The following FOXP2 variants were observed in gnomAD, a reference collection of about 807,000 sequenced individuals.
The protein encoded by FOXP2 is forkhead box protein P2.
In FOXP2, 12 loss-of-function variants were observed where a neutral mutation model predicts 115.8. That is an observed-to-expected ratio of 0.10 (90% CI 0.07 to 0.17). The LOEUF is 0.17. FOXP2 is among the 10% of genes least tolerant of loss of function. The pLI, the probability that FOXP2 is intolerant of heterozygous loss-of-function variation, is 1.00. For synonymous variants in FOXP2, 328 were observed against 297.7 expected (o/e 1.10, Z -1.05); for missense variants, 629 against 843.5 (o/e 0.75, Z 3.15).
At chr7:114,152,297 A>T (rs1365021553) in intron 1 of FOXP2, among the ~76,000 whole-genome samples, 1 of 152,126 alleles carries the variant, frequency 6.6e-6, no homozygotes, top group Non-Finnish European at 1.5e-5. Context: ...CTGATAGGTA[A>T]AATAGTCTAT....
chr7:114,608,688 C>T (rs1455740367), intron 3 of FOXP2, among the ~76,000 whole-genome samples: 1 of 152,126 alleles, frequency 6.6e-6, no homozygotes, highest in African/African-American at 2.4e-5. Flanking sequence ...CTGAGTGAGC[C>T]ACTCACCACT....
chr7:114,281,123 A>G (rs1796326705), intron 1 of FOXP2, among the ~76,000 whole-genome samples: 1 of 109,268 alleles, frequency 9.2e-6, no homozygotes, highest in Non-Finnish European at 1.8e-5. Flanking sequence ...TTTTTTTGAG[A>G]CAGAGTCTCA....
chr7:114,091,182 C>T (rs1015888425), intron 1 of FOXP2, among the ~76,000 whole-genome samples: 1 of 151,458 alleles, frequency 6.6e-6, no homozygotes, highest in Non-Finnish European at 1.5e-5. Flanking sequence ...CCATTCCTGC[C>T]CTAAATTTCC....
At chr7:114,544,547 T>C (rs1799826628) in intron 3 of FOXP2, among the ~76,000 whole-genome samples, 2 of 152,234 alleles carry the variant, frequency 1.3e-5, no homozygotes, top group African/African-American at 4.8e-5. Context: ...AACACTTGCA[T>C]TGCTGTAAAA....
rs144792195 is a variant in FOXP2 at position 114,127,004 on chromosome 7, T to A, written c.-246-35940T>A. 4.7e-3 allele frequency among the ~76,000 whole-genome samples: 719 copies of A among 152,284 alleles called. 6 individuals carry two copies. The highest frequency in any genetic ancestry group is 0.016 in the African/African-American group (682 of 41,556). ...GCTAGGACCTCAGCCTCAGTGTCAG[T>A]TACAAGCTGCAATCAAGGTGTCAGT... is the stretch of plus-strand genomic sequence containing the variant. On this transcript the variant is annotated intron_variant, in intron 1 of 19. Coordinates refer to the FOXP2 transcript ENST00000635638.
At chr7:114,175,348 C>A (rs890915732) in intron 1 of FOXP2, among the ~76,000 whole-genome samples, 1 of 152,046 alleles carries the variant, frequency 6.6e-6, no homozygotes, top group African/African-American at 2.4e-5. Context: ...CATCTATGAT[C>A]TGGTTTTGTG....
chr7:114,172,584 G>A (rs1741441632), intron 1 of FOXP2, among the ~76,000 whole-genome samples: 1 of 152,048 alleles, frequency 6.6e-6, no homozygotes, highest in Non-Finnish European at 1.5e-5. Flanking sequence ...GAGGAAACTG[G>A]GTTTGTGTTG....
chr7:114,205,032 A>G (rs535258616), intron 1 of FOXP2, among the ~76,000 whole-genome samples: 1 of 152,276 alleles, frequency 6.6e-6, no homozygotes, highest in Admixed American at 6.5e-5. Context: ...GAGAAGGTAT[A>G]GTGTTCCTTA....
At position 114,414,984 on chromosome 7, in the gene FOXP2, A is replaced by C. The variant is rs1376361968; in HGVS notation, c.-387A>C. On this transcript the variant is annotated 5_prime_UTR_variant, in exon 1 of 17. An upstream start codon of the reference 5' UTR is lost. Transcript: ENST00000350908. ...TTACTTTAGAAAGATTATGGTAAGC[A>C]TGCTGGCTCAGTCTTGAACCTTTGT... The C allele has an allele frequency of 4.6e-6, 2 of 430,748 alleles. No homozygotes were observed. The highest frequency in any genetic ancestry group is 2.4e-5 in the Admixed American group (1 of 40,836). The allele number at this position is 430,748 out of a possible 1,614,324, so 26.7% of individuals were successfully genotyped here.
At position 114,426,412 on chromosome 7, in the gene FOXP2, C is replaced by T. The variant is rs1280325236; in HGVS notation, c.-10-90C>T. On this transcript the variant is annotated intron_variant, in intron 1 of 16. Transcript: ENST00000350908. ...TTTTCTTCCCCCTCTTCTAAAGATGCTGTCTCTGTAATTGGCAGAGAGGGA... is the reference window on the plus strand; with the variant it reads ...TTTTCTTCCCCCTCTTCTAAAGATGTTGTCTCTGTAATTGGCAGAGAGGGA... 3.3e-6 allele frequency: 4 copies of T among 1,202,932 alleles called. No homozygotes were observed. The African/African-American group carries it at 6.0e-5, about 18-fold the overall frequency. The allele number at this position is 1,202,932 out of a possible 1,614,324, so 74.5% of individuals were successfully genotyped here.
At chr7:114,438,548 TAAC>T (rs1307852732) in intron 2 of FOXP2, among the ~76,000 whole-genome samples, 14 of 151,932 alleles carry the variant, frequency 9.2e-5, no homozygotes, top group Admixed American at 2.6e-4. Flanking sequence ...ATATTCATTA[TAAC>T]AACTAGTTTT....
chr7:114,388,393 T>TC (rs1792506778), intron 2 of FOXP2, among the ~76,000 whole-genome samples: 2 of 113,504 alleles, frequency 1.8e-5, no homozygotes, highest in South Asian at 7.3e-4. Context: ...GGAACTTATC[T>TC]CTTTTTTTTT....
chr7:114,402,729 C>G (rs1427039590), intron 2 of FOXP2, among the ~76,000 whole-genome samples: 1 of 151,824 alleles, frequency 6.6e-6, no homozygotes, highest in African/African-American at 2.4e-5. Flanking sequence ...TGGGCTCAAG[C>G]AATCCTCCCG....
chr7:114,290,015 A>C (rs1293450108), intron 2 of FOXP2, among the ~76,000 whole-genome samples: 1 of 151,918 alleles, frequency 6.6e-6, no homozygotes, highest in Non-Finnish European at 1.5e-5. Flanking sequence ...TTTTTAAATT[A>C]ACCTCTGTTA....
chr7:114,575,189 G>A (rs1801512254), intron 3 of FOXP2, among the ~76,000 whole-genome samples: 2 of 151,680 alleles, frequency 1.3e-5, no homozygotes, highest in African/African-American at 2.4e-5. Context: ...TTTGCTTCAC[G>A]TTCTCAGTCT....
intron 3 of FOXP2, among the ~76,000 whole-genome samples, chr7:114,554,050 A>G (rs780691149): frequency 2.0e-5 from 3 of 152,160 alleles, no homozygotes; most frequent in Non-Finnish European, 4.4e-5. Flanking sequence ...TATTATGTCA[A>G]TAACAGAGGA....
At chr7:114,175,338 C>A (rs1038385333) in intron 1 of FOXP2, among the ~76,000 whole-genome samples, 1 of 152,036 alleles carries the variant, frequency 6.6e-6, no homozygotes, top group Non-Finnish European at 1.5e-5. Context: ...TTAGTGGATG[C>A]ATCTATGATC....
chr7:114,565,559 T>C (rs1457766770), intron 3 of FOXP2, among the ~76,000 whole-genome samples: 1 of 152,122 alleles, frequency 6.6e-6, no homozygotes, highest in South Asian at 2.1e-4. Context: ...AACAAGCTTC[T>C]CCAAAGATTA....
At chr7:114,233,280 A>G (rs1317683983) in intron 1 of FOXP2, among the ~76,000 whole-genome samples, 4 of 152,238 alleles carry the variant, frequency 2.6e-5, no homozygotes, top group Non-Finnish European at 5.9e-5. Context: ...AGTGAAATTA[A>G]ATAAAAATAG....
Sources: gnomAD v4.1 joint callset for allele counts (sites outside exome capture counted in the v4.1 genomes callset) on GRCh38, gnomAD v4.1.1 for gene constraint, MANE v1.5 for transcripts, NCBI Gene and HGNC (gene_info 2026-07-23, HGNC 2026-07-21) for gene names.